The following CDK8 variants were observed in gnomAD, a reference collection of about 807,000 sequenced individuals.
The protein encoded by CDK8 is cyclin dependent kinase 8.
A neutral mutation model predicts 71.5 loss-of-function variants in CDK8; 29 were observed. The ratio of observed to expected loss-of-function variants is 0.41; its 90% CI spans 0.30 to 0.55. CDK8 has a LOEUF of 0.55. CDK8 is among the 20% of genes least tolerant of loss of function. The pLI is 0.37. For missense variants in CDK8, 288 were observed against 572.6 expected (o/e 0.50, Z 5.07); for synonymous variants, 161 against 192.1 (o/e 0.84, Z 1.34).
chr13:26,359,055 G>A, intron 4 of CDK8: 1 of 282,858 alleles, frequency 3.5e-6, no homozygotes, highest in South Asian at 3.4e-5. Context: ...ATTTCTTTTG[G>A]GTAAGAAAAT....
chr13:26,287,999 A>G (rs35555802), intron 1 of CDK8, among the ~76,000 whole-genome samples: 62,182 of 151,872 alleles, frequency 0.41, 14,433 homozygotes, highest in Non-Finnish European at 0.52. Flanking sequence ...GTCTCACTCT[A>G]TCGCCCAGGC....
chr13:26,330,912 G>T (rs1179578760), intron 1 of CDK8, among the ~76,000 whole-genome samples: 1 of 152,160 alleles, frequency 6.6e-6, no homozygotes, highest in Admixed American at 6.5e-5. Context: ...GTGAGTGCAG[G>T]TATCATTTTG....
chr13:26,331,219 T>C (rs192263670), intron 1 of CDK8, among the ~76,000 whole-genome samples: 2 of 152,364 alleles, frequency 1.3e-5, no homozygotes. Flanking sequence ...TTTTTTCATA[T>C]ACCTGTTGGA....
intron 7 of CDK8, among the ~76,000 whole-genome samples, chr13:26,395,139 A>G (rs1446325607): frequency 1.3e-5 from 2 of 152,232 alleles, no homozygotes; most frequent in Non-Finnish European, 2.9e-5. Context: ...GAGGATAGTT[A>G]CCAAATATTT....
intron 4 of CDK8, among the ~76,000 whole-genome samples, chr13:26,371,329 C>T (rs1386431951): frequency 1.3e-5 from 2 of 152,092 alleles, no homozygotes; most frequent in Non-Finnish European, 2.9e-5. Context: ...TAATGACATT[C>T]CTGATTTTTT....
chr13:26,384,338 ATGG>A (rs1274606282), intron 5 of CDK8, among the ~76,000 whole-genome samples: 1 of 152,154 alleles, frequency 6.6e-6, no homozygotes, highest in South Asian at 2.1e-4. Context: ...AACTTATCAA[ATGG>A]TGGGTGAATT....
At chr13:26,368,164 C>T (rs1054697047) in intron 4 of CDK8, among the ~76,000 whole-genome samples, 2 of 152,130 alleles carry the variant, frequency 1.3e-5, no homozygotes, top group Admixed American at 6.6e-5. Context: ...TTTACACAGT[C>T]GAATTTTTCG....
chr13:26,270,441 G>A (rs1340098512), intron 1 of CDK8, among the ~76,000 whole-genome samples: 2 of 150,258 alleles, frequency 1.3e-5, no homozygotes, highest in Admixed American at 6.6e-5. Context: ...AGTGCTTTTT[G>A]ATATATTCAC....
chr13:26,393,464 C>T lies in CDK8; in HGVS notation c.744C>T (p.His248=). 1.9e-6 allele frequency: 3 copies of T among 1,611,012 alleles called. No individual in the cohort carries two copies. Among genetic ancestry groups the T allele is most frequent in the Non-Finnish European group, 2.5e-6 (3 of 1,177,406 alleles). ...ACATCAAAACTAGTAATCCTTATCA[C>T]CATGACCAGCTGGACAGAATATTCA... ...QEDIKTSNPY[H]HDQLDRIFNV... The change falls in exon 7 of 13, where the codon CAC becomes CAT. Residue 248 remains histidine (H), a synonymous_variant. Coordinates refer to ENST00000381527, the MANE Select transcript of CDK8 (RefSeq NM_001260.3).
intron 4 of CDK8, among the ~76,000 whole-genome samples, chr13:26,380,651 A>C (rs1176510260): frequency 6.6e-6 from 1 of 151,948 alleles, no homozygotes; most frequent in Non-Finnish European, 1.5e-5. Context: ...TAAAAAAAAA[A>C]AATTTTTTTT....
intron 1 of CDK8, among the ~76,000 whole-genome samples, chr13:26,318,150 AC>A (rs1358779864): frequency 6.6e-6 from 1 of 152,134 alleles, no homozygotes; most frequent in Non-Finnish European, 1.5e-5. Flanking sequence ...TTATAAGAGT[AC>A]TATGAACATA....
chr13:26,281,363 G>T (rs1051119726), intron 1 of CDK8, among the ~76,000 whole-genome samples: 8 of 152,218 alleles, frequency 5.3e-5, no homozygotes, highest in Non-Finnish European at 8.8e-5. Flanking sequence ...GCCCCACGGG[G>T]TGGTTAGGCC....
intron 1 of CDK8, among the ~76,000 whole-genome samples, chr13:26,306,321 G>A (rs1874038195): frequency 6.6e-6 from 1 of 152,062 alleles, no homozygotes; most frequent in African/African-American, 2.4e-5. Context: ...AAGCATCATT[G>A]AGCTTCTTAA....
At chr13:26,264,884 C>T (rs1871954935) in intron 1 of CDK8, among the ~76,000 whole-genome samples, 1 of 152,156 alleles carries the variant, frequency 6.6e-6, no homozygotes, top group African/African-American at 2.4e-5. Flanking sequence ...AAGTTCCATT[C>T]ACGTTGCTGC....
chr13:26,389,051 C>A (rs986903654), intron 6 of CDK8, among the ~76,000 whole-genome samples: 1 of 149,262 alleles, frequency 6.7e-6, no homozygotes, highest in Non-Finnish European at 1.5e-5. Context: ...TGTAGTCTTA[C>A]TTCTATCACT....
At chr13:26,329,483 G>GTTTTTTTTTTTTTTTGT (rs543441898) in intron 1 of CDK8, among the ~76,000 whole-genome samples, 8 of 128,474 alleles carry the variant, frequency 6.2e-5, no homozygotes, top group South Asian at 2.4e-4. Context: ...TTTTTTTTTT[G>GTTTTTTTTTTTTTTTGT]TTTTTTTTTT....
chr13:26,399,240 C>G lies in CDK8; in HGVS notation c.934-1213C>G, dbSNP rs187749145. Among the ~76,000 whole-genome samples the G allele has an allele frequency of 6.2e-3, 946 of 152,192 alleles. 5 individuals are homozygous for G. The highest frequency in any genetic ancestry group is 9.4e-3 in the Non-Finnish European group (638 of 68,014). On this transcript the variant is annotated intron_variant, in intron 9 of 12. Coordinates refer to ENST00000381527, the MANE Select transcript of CDK8 (RefSeq NM_001260.3). ...GACCAGGCTGGTCTCGAACTCCTGA[C>G]CTCAGGTGATCCATCCACCTTGGCC...
chr13:26,290,834 G>T (rs1205011257), intron 1 of CDK8, among the ~76,000 whole-genome samples: 1 of 151,914 alleles, frequency 6.6e-6, no homozygotes, highest in Non-Finnish European at 1.5e-5. Context: ...AACAAATTCT[G>T]GGCCAGGCGC....
intron 1 of CDK8, among the ~76,000 whole-genome samples, chr13:26,300,305 CT>C (rs1873769828): frequency 6.6e-6 from 1 of 152,070 alleles, no homozygotes; most frequent in South Asian, 2.1e-4. Context: ...TACTAAGTGA[CT>C]AATGGGTGAG....
Sources: gnomAD v4.1 joint callset for allele counts (sites outside exome capture counted in the v4.1 genomes callset) on GRCh38, gnomAD v4.1.1 for gene constraint, MANE v1.5 for transcripts, NCBI Gene and HGNC (gene_info 2026-07-23, HGNC 2026-07-21) for gene names.